RHPN2: variants seen among roughly 807,000 people sequenced by gnomAD.
The protein encoded by RHPN2 is rhophilin-2.
In RHPN2, 40 loss-of-function variants were observed where a neutral mutation model predicts 79.0. That is an observed-to-expected ratio of 0.51 (90% CI 0.39 to 0.66). The LOEUF is 0.66. Ranked by LOEUF, RHPN2 falls within the 30% of genes least tolerant of loss-of-function variation. The pLI, the probability that RHPN2 is intolerant of heterozygous loss-of-function variation, is 0.00. For missense variants in RHPN2, 686 were observed against 883.5 expected, an observed-to-expected ratio of 0.78 and a Z score of 2.83; for synonymous variants, 285 against 363.5, an observed-to-expected ratio of 0.78 and a Z score of 2.46.
intron 1 of RHPN2, among the ~76,000 whole-genome samples, chr19:33,053,985 G>A (rs966598898): frequency 3.3e-5 from 5 of 151,906 alleles, no homozygotes; most frequent in African/African-American, 1.2e-4. Context: ...TCAGCCTCCC[G>A]AGAAGCTGGG....
At chr19:33,010,266 G>A (rs1971825049) in intron 6 of RHPN2, among the ~76,000 whole-genome samples, 1 of 152,078 alleles carries the variant, frequency 6.6e-6, no homozygotes, top group African/African-American at 2.4e-5. Context: ...CCCATCAGCT[G>A]TAGAAACATT....
intron 2 of RHPN2, among the ~76,000 whole-genome samples, chr19:33,038,714 A>G (rs1011357663): frequency 1.3e-5 from 2 of 151,956 alleles, no homozygotes; most frequent in African/African-American, 2.4e-5. Flanking sequence ...CTGGAGTGCA[A>G]TGGCGCGATC....
intron 1 of RHPN2, among the ~76,000 whole-genome samples, chr19:33,052,522 C>T (rs190038088): frequency 4.6e-5 from 7 of 152,204 alleles, no homozygotes; most frequent in Non-Finnish European, 7.3e-5. Context: ...TTCCTGGTTA[C>T]GCAATCCCTC....
intron 1 of RHPN2, among the ~76,000 whole-genome samples, chr19:33,060,963 C>T (rs1445071423): frequency 6.6e-6 from 1 of 152,158 alleles, no homozygotes; most frequent in South Asian, 2.1e-4. Context: ...CTTTCCCATT[C>T]GCCACCCATT....
chr19:32,999,692 C>T lies in RHPN2; in HGVS notation c.1119G>A (p.Thr373=), dbSNP rs1485518185. Residue 373 remains threonine, a synonymous_variant, in exon 10 of 15, where the codon ACG becomes ACA. Transcript: ENST00000254260. The part of the protein sequence containing the change: ...LLIDHQVKPG[T]DLDHQEKCLS... ...GGCACTTCTCCTGGTGGTCCAGATC[C>T]GTGCCTGGCTTCACTGCAAAGAGAA... 5.0e-6 allele frequency: 8 copies of T among 1,612,328 alleles called. No individual in the cohort carries two copies. The highest frequency in any genetic ancestry group is 1.1e-5 in the South Asian group (1 of 90,930).
At chr19:33,059,200 A>ACC (rs951223137) in intron 1 of RHPN2, among the ~76,000 whole-genome samples, 1 of 143,248 alleles carries the variant, frequency 7.0e-6, no homozygotes, top group Non-Finnish European at 1.6e-5. Flanking sequence ...GGCAATCTTC[A>ACC]CCCCCCGCCT....
At chr19:32,992,265 A>T (rs7251789) in intron 12 of RHPN2, 1 of 352,578 alleles carries the variant, frequency 2.8e-6, no homozygotes, top group Non-Finnish European at 5.4e-6. Flanking sequence ...GTGTGGTGGT[A>T]TGATCTCGGC....
chr19:33,060,092 G>A (rs907265538), intron 1 of RHPN2, among the ~76,000 whole-genome samples: 5 of 152,170 alleles, frequency 3.3e-5, no homozygotes, highest in Admixed American at 6.6e-5. Flanking sequence ...TAGCCTCCGC[G>A]TTCACCCGCA....
At chr19:32,988,661 C>T (rs1465413679) in intron 14 of RHPN2, among the ~76,000 whole-genome samples, 9 of 151,674 alleles carry the variant, frequency 5.9e-5, no homozygotes, top group South Asian at 4.2e-4. Flanking sequence ...TTTGCCTCTC[C>T]GGTAGGAGAA....
intron 14 of RHPN2, among the ~76,000 whole-genome samples, chr19:32,989,868 G>A (rs1971640674): frequency 6.6e-6 from 1 of 152,184 alleles, no homozygotes; most frequent in Non-Finnish European, 1.5e-5. Flanking sequence ...ACTCTGGGAG[G>A]CCGAGGCTGG....
At chr19:33,020,065 C>T (rs1286750706) in intron 4 of RHPN2, among the ~76,000 whole-genome samples, 2 of 152,094 alleles carry the variant, frequency 1.3e-5, no homozygotes, top group East Asian at 3.9e-4. Context: ...TCTTCCACTT[C>T]CCACTTGAAA....
At chr19:32,996,559 G>C (rs1315847025) in intron 10 of RHPN2, 1 of 395,488 alleles carries the variant, frequency 2.5e-6, no homozygotes, top group African/African-American at 2.1e-5. Flanking sequence ...CTCAGTGGCA[G>C]GTACCTAAAG....
chr19:33,040,673 G>A (rs944593926), intron 2 of RHPN2, among the ~76,000 whole-genome samples: 8 of 152,228 alleles, frequency 5.3e-5, no homozygotes, highest in South Asian at 2.1e-4. Flanking sequence ...GAAAAAGTAC[G>A]GTCAGGCATG....
chr19:33,035,050 C>T (rs892379934), intron 2 of RHPN2, among the ~76,000 whole-genome samples: 5 of 152,056 alleles, frequency 3.3e-5, no homozygotes, highest in Non-Finnish European at 7.4e-5. Context: ...TCACTGCAAC[C>T]TCCACCTTCA....
chr19:33,039,338 C>T (rs1303436199), intron 2 of RHPN2, among the ~76,000 whole-genome samples: 3 of 152,140 alleles, frequency 2.0e-5, no homozygotes, highest in African/African-American at 7.2e-5. Context: ...CAGACACACA[C>T]CAGCCCTCCC....
At chr19:33,020,329 CTTTTT>C (rs71340522) in intron 4 of RHPN2, among the ~76,000 whole-genome samples, 1 of 139,412 alleles carries the variant, frequency 7.2e-6, no homozygotes, top group Non-Finnish European at 1.6e-5. Context: ...CTTTCGTTCT[CTTTTT>C]TTTTTTTTTT....
intron 1 of RHPN2, among the ~76,000 whole-genome samples, chr19:33,060,482 G>A (rs563560935): frequency 6.6e-6 from 1 of 152,208 alleles, no homozygotes; most frequent in East Asian, 1.9e-4. Context: ...GGTGCAAGCT[G>A]GTGGAAAGAA....
At chr19:33,031,865 G>C (rs573490250) in intron 2 of RHPN2, among the ~76,000 whole-genome samples, 1 of 151,462 alleles carries the variant, frequency 6.6e-6, no homozygotes, top group Non-Finnish European at 1.5e-5. Flanking sequence ...GACTACAGGC[G>C]CCCGCCACCA....
rs376317721 is a variant in RHPN2, at chr19:32,991,823, C to T, written c.1644G>A (p.Ser548=). 4.0e-5 allele frequency: 64 copies of T among 1,613,902 alleles called. No individual in the cohort carries two copies. In the South Asian group the frequency reaches 4.5e-4, roughly 11 times the overall value. The change falls in exon 13 of 15, where the codon TCG becomes TCA. Residue 548 remains serine, a splice_region_variant and synonymous_variant. Coordinates refer to ENST00000254260, the MANE Select transcript of RHPN2 (RefSeq NM_033103.5). Reference sequence around the variant, plus strand: ...CCAATCAAGAAAAGCATGTGCTTACCGAGGCAGAGCAGTAAGGATCCAGGA... The same window carrying T: ...CCAATCAAGAAAAGCATGTGCTTACTGAGGCAGAGCAGTAAGGATCCAGGA... ...VHFLDPYCSA[S]VAGAREGDYI... is the part of the protein sequence containing the mutation.
Sources: allele counts gnomAD v4.1 joint callset (sites outside exome capture counted in the v4.1 genomes callset), GRCh38; gene constraint gnomAD v4.1.1; transcripts MANE v1.5; gene names NCBI Gene and HGNC (gene_info 2026-07-23, HGNC 2026-07-21).